Variants in ACP3 observed in about 807,000 individuals in gnomAD.
ACP3 encodes the protein acid phosphatase 3, also known as prostatic acid phosphatase.
ACP3 carries 38 observed loss-of-function variants against 45.6 expected under a neutral mutation model. The ratio of observed to expected loss-of-function variants is 0.83; its 90% CI spans 0.64 to 1.09. The LOEUF is 1.09. Among genes scored for constraint, ACP3 ranks in the 50% least tolerant of loss-of-function variants. The probability of loss-of-function intolerance (pLI) is 0.00; values close to 1 mark genes in which losing one functional copy is unlikely to be tolerated. For missense variants in ACP3, 466 were observed against 463.2 expected, an observed-to-expected ratio of 1.01 and a Z score of -0.05; for synonymous variants, 162 against 164.7, an observed-to-expected ratio of 0.98 and a Z score of 0.13.
intron 7 of ACP3, 105 bp downstream of exon 7, chr3:132,345,164 T>G: frequency 1.9e-6 from 2 of 1,059,302 alleles, no homozygotes; most frequent in South Asian, 1.5e-5. Context: ...ACAGTTCACT[T>G]AATCACTCTT....
intron 1 of ACP3, among the ~76,000 whole-genome samples, chr3:132,320,634 G>T (rs886226096): frequency 6.9e-6 from 1 of 145,636 alleles, no homozygotes; most frequent in African/African-American, 2.6e-5. Context: ...TCTTAATCAA[G>T]TAATATAATA....
rs768346500 is a variant in ACP3 at position 132,328,326 on chromosome 3, ATCC to A, written c.183_185del (p.Ser62del). On this transcript the variant is annotated inframe_deletion, in exon 2 of 10. Coordinates refer to ENST00000336375, the MANE Select transcript of ACP3 (RefSeq NM_001099.5). ...CCTTTCCCACTGACCCCATAAAGGA[ATCC>A]TCATGGCCACAAGGATTTGGCCAAC... The A allele has an allele frequency of 5.1e-5, 82 of 1,613,880 alleles. No homozygotes were observed. The highest frequency in any genetic ancestry group is 6.4e-5 in the Non-Finnish European group (75 of 1,179,918).
chr3:132,338,180 C>G (rs1341513736), intron 5 of ACP3, among the ~76,000 whole-genome samples: 4 of 151,364 alleles, frequency 2.6e-5, no homozygotes, highest in Non-Finnish European at 5.9e-5. Flanking sequence ...TTCCAATTTC[C>G]TTATGCATAT....
chr3:132,326,530 T>C (rs1937300745), intron 1 of ACP3, among the ~76,000 whole-genome samples: 1 of 152,180 alleles, frequency 6.6e-6, no homozygotes, highest in Non-Finnish European at 1.5e-5. Context: ...CTGACCAAAA[T>C]GATCGCTTAA....
intron 5 of ACP3, among the ~76,000 whole-genome samples, chr3:132,338,672 G>C (rs771917249): frequency 1.2e-4 from 18 of 152,098 alleles, no homozygotes; most frequent in African/African-American, 4.1e-4. Context: ...ACCACTCTGG[G>C]GATATTTGCC....
chr3:132,321,163 G>T (rs984677692), intron 1 of ACP3, among the ~76,000 whole-genome samples: 2 of 151,930 alleles, frequency 1.3e-5, no homozygotes, highest in Non-Finnish European at 1.5e-5. Flanking sequence ...AAACCCTGTC[G>T]CTTGGGTTGG....
intron 1 of ACP3, among the ~76,000 whole-genome samples, chr3:132,325,298 G>A (rs1328073517): frequency 6.6e-6 from 1 of 152,164 alleles, no homozygotes; most frequent in Admixed American, 6.5e-5. Flanking sequence ...CTTCCAAAGG[G>A]TTGACAGCAT....
chr3:132,363,588 T>A (rs1160105214), downstream of ACP3, among the ~76,000 whole-genome samples: 1 of 152,204 alleles, frequency 6.6e-6, no homozygotes, highest in Non-Finnish European at 1.5e-5. Context: ...TAGTTCTCTA[T>A]CAAGCCTAAT....
In ACP3 at chr3:132,344,976, C is replaced by G; in HGVS notation, c.698C>G (p.Thr233Ser). ...TCCTGGGCCACTGAGGACACCATGA[C>G]TAAGTTGAGAGAATTGTCAGAATTG... ...LPSWATEDTM[T>S]KLRELSELSL... is the part of the protein sequence containing the mutation. The change falls in exon 7 of 10, where the codon ACT (threonine) becomes AGT (serine). Residue 233 changes from threonine (T) to serine (S), a missense_variant. Transcript: ENST00000336375. 6.2e-7 allele frequency: 1 copy of G among 1,613,868 alleles called. No individual in the cohort carries two copies. The highest frequency in any genetic ancestry group is 8.5e-7 in the Non-Finnish European group (1 of 1,179,888).
At chr3:132,352,654 A>G in intron 8 of ACP3, 66 bp from the exon 9 acceptor site, 1 of 1,075,836 alleles carries the variant, frequency 9.3e-7, no homozygotes, top group Non-Finnish European at 1.4e-6. Flanking sequence ...ATGGTGCTGT[A>G]CAAGTGCTTC....
chr3:132,352,823 G>C lies in ACP3; in HGVS notation c.968G>C (p.Gly323Ala). Residue 323 changes from glycine (G) to alanine (A), a missense_variant and splice_region_variant, in exon 9 of 10, where the codon GGG becomes GCG. Coordinates refer to ENST00000336375, the MANE Select transcript of ACP3 (RefSeq NM_001099.5). ...TTGACGGAATTGTACTTTGAGAAGG[G>C]GTAAGTGACTAAGTGCTTTTCAAAA... ...CHLTELYFEK[G>A]EYFVEMYYRN... 1.9e-6 allele frequency: 3 copies of C among 1,595,180 alleles called. No homozygotes were observed. Among genetic ancestry groups the C allele is most frequent in the Non-Finnish European group, 2.6e-6 (3 of 1,162,966 alleles).
intron 10 of ACP3, among the ~76,000 whole-genome samples, chr3:132,366,619 G>T (rs1938136595): frequency 6.6e-6 from 1 of 152,280 alleles, no homozygotes; most frequent in Non-Finnish European, 1.5e-5. Flanking sequence ...TGAGGATGGG[G>T]AGATCAAGAG....
rs1937399894 is a variant in ACP3 at position 132,331,642 on chromosome 3, C to T, written c.217-5C>T. On this transcript the variant is annotated splice_region_variant and splice_polypyrimidine_tract_variant and intron_variant, in intron 2 of 9. Coordinates refer to ENST00000336375, the MANE Select transcript of ACP3 (RefSeq NM_001099.5). ...TTAATTTTTGCTTTTATTTTTTTCC[C>T]ATAGCTGGGCATGGAGCAGCATTAT... The T allele has an allele frequency of 4.5e-6, 7 of 1,570,268 alleles. No individual in the cohort carries two copies. Among genetic ancestry groups the T allele is most frequent in the Non-Finnish European group, 6.0e-6 (7 of 1,167,020 alleles).
chr3:132,337,173 T>C (rs970315875), intron 4 of ACP3, among the ~76,000 whole-genome samples: 8 of 151,696 alleles, frequency 5.3e-5, no homozygotes, highest in Non-Finnish European at 1.0e-4. Flanking sequence ...ACGTGGAAGA[T>C]CGAGAAGTGT....
chr3:132,330,507 A>G (rs1937381240), intron 2 of ACP3, among the ~76,000 whole-genome samples: 1 of 152,220 alleles, frequency 6.6e-6, no homozygotes, highest in Admixed American at 6.5e-5. Flanking sequence ...GATTCTGTGC[A>G]TGCTAAAGTG....
rs1204509136 is a variant in ACP3 at position 132,342,615 on chromosome 3, A to T, written c.619A>T (p.Ser207Cys). ...TGGCCAGGACCTTTTTGGAATTTGG[A>T]GTAAAGTCTACGACCCTTTATATTG... ...LHGQDLFGIW[S>C]KVYDPLYCES... The change falls in exon 6 of 10, where the codon AGT (serine) becomes TGT (cysteine). Residue 207 changes from serine to cysteine, a missense_variant. Coordinates refer to ENST00000336375, the MANE Select transcript of ACP3 (RefSeq NM_001099.5). The T allele has an allele frequency of 1.2e-6, 2 of 1,609,938 alleles. No individual in the cohort carries two copies. Among genetic ancestry groups the T allele is most frequent in the Admixed American group, 3.4e-5 (2 of 59,564 alleles).
chr3:132,356,570 A>G lies in ACP3; in HGVS notation c.969-116A>G, dbSNP rs1193341417. ...CACCTAAATTGGCTAAAATCTCCCC[A>G]TAAGTTTTTCCATTAGTCCCTCAAC... On this transcript the variant is annotated intron_variant, in intron 9 of 9. Transcript: ENST00000336375. 23 of 1,568,934 alleles carry G rather than the reference A, an allele frequency of 1.5e-5. No homozygotes were observed. The East Asian group carries it at 3.6e-4, about 25-fold the overall frequency.
chr3:132,319,548 T>A (rs1020767919), intron 1 of ACP3, among the ~76,000 whole-genome samples: 2 of 144,860 alleles, frequency 1.4e-5, no homozygotes, highest in Non-Finnish European at 2.9e-5. Flanking sequence ...TAGCAAATAA[T>A]TTTTTAGTCC....
intron 10 of ACP3, among the ~76,000 whole-genome samples, chr3:132,365,350 G>T (rs1016597708): frequency 7.2e-5 from 11 of 152,358 alleles, no homozygotes; most frequent in Admixed American, 3.9e-4. Flanking sequence ...AAATGGGAAG[G>T]TCTCATGGAG....
Sources: gnomAD v4.1 joint callset for allele counts (sites outside exome capture counted in the v4.1 genomes callset) on GRCh38, gnomAD v4.1.1 for gene constraint, MANE v1.5 for transcripts, NCBI Gene and HGNC (gene_info 2026-07-23, HGNC 2026-07-21) for gene names.